Variants in HEMK2 observed in about 807,000 individuals in gnomAD.
The protein encoded by HEMK2 is HemK methyltransferase 2, ETF1 glutamine and histone H4 lysine, also known as methyltransferase HEMK2.
At chr21:28,741,179 C>T in the HEMK2 span, among the ~76,000 whole-genome samples, 4 of 152,128 alleles carry the variant, frequency 2.6e-5, no homozygotes, top group African/African-American at 7.2e-5. Flanking sequence ...TGAGATATGT[C>T]CAGGCCAACA....
the HEMK2 span, among the ~76,000 whole-genome samples, chr21:28,697,385 C>G: frequency 6.6e-6 from 1 of 152,172 alleles, no homozygotes; most frequent in Non-Finnish European, 1.5e-5. Flanking sequence ...CAGTTCCCAA[C>G]AGGTTCCTCA....
the HEMK2 span, among the ~76,000 whole-genome samples, chr21:28,707,454 C>T: frequency 6.6e-6 from 1 of 151,878 alleles, no homozygotes; most frequent in Non-Finnish European, 1.5e-5. Context: ...CGGGATTTCA[C>T]CATGTTGGCC....
the HEMK2 span, among the ~76,000 whole-genome samples, chr21:28,600,388 G>C: frequency 6.6e-6 from 1 of 152,246 alleles, no homozygotes; most frequent in Admixed American, 6.5e-5. Flanking sequence ...TAAAGTCACA[G>C]CCTGAGCTGT....
chr21:28,872,597 C>G, the HEMK2 span: 1 of 152,178 alleles, frequency 6.6e-6, no homozygotes, highest in African/African-American at 2.4e-5. Flanking sequence ...ACCAGTACTA[C>G]AAGAAAGTGG....
the HEMK2 span, among the ~76,000 whole-genome samples, chr21:28,739,645 A>G: frequency 1.3e-5 from 2 of 152,228 alleles, no homozygotes; most frequent in South Asian, 4.1e-4. Context: ...TTCTGTGATG[A>G]TGGAAATGTT....
At chr21:28,647,548 G>A in the HEMK2 span, among the ~76,000 whole-genome samples, 1 of 151,542 alleles carries the variant, frequency 6.6e-6, no homozygotes, top group African/African-American at 2.4e-5. Flanking sequence ...AGCACTGGGG[G>A]AATTCTGAGG....
chr21:28,627,947 C>G, the HEMK2 span, among the ~76,000 whole-genome samples: 1 of 152,136 alleles, frequency 6.6e-6, no homozygotes, highest in South Asian at 2.1e-4. Flanking sequence ...GGGGACTACA[C>G]CAAGTGTCCA....
the HEMK2 span, among the ~76,000 whole-genome samples, chr21:28,602,629 T>G: frequency 6.6e-6 from 1 of 152,136 alleles, no homozygotes. Flanking sequence ...GGAAACAAGG[T>G]CTAGGTCACA....
chr21:28,690,681 T>A, the HEMK2 span, among the ~76,000 whole-genome samples: 1 of 152,084 alleles, frequency 6.6e-6, no homozygotes, highest in Non-Finnish European at 1.5e-5. Context: ...AAGAAACCAC[T>A]CTCTTGCCTT....
chr21:28,641,119 T>C, the HEMK2 span, among the ~76,000 whole-genome samples: 1 of 152,220 alleles, frequency 6.6e-6, no homozygotes, highest in African/African-American at 2.4e-5. Context: ...TTTGCTGCTG[T>C]AAACTCACAA....
the HEMK2 span, among the ~76,000 whole-genome samples, chr21:28,676,039 T>G: frequency 6.6e-6 from 1 of 152,192 alleles, no homozygotes; most frequent in South Asian, 2.1e-4. Flanking sequence ...TGTCTGGGCC[T>G]TCGGAGTCAG....
chr21:28,588,529 G>A, the HEMK2 span, among the ~76,000 whole-genome samples: 5 of 152,150 alleles, frequency 3.3e-5, no homozygotes, highest in African/African-American at 7.2e-5. Context: ...CAATTTACCC[G>A]ATCAGATTGT....
the HEMK2 span, among the ~76,000 whole-genome samples, chr21:28,732,005 G>A: frequency 2.6e-5 from 4 of 152,172 alleles, no homozygotes; most frequent in African/African-American, 9.7e-5. Context: ...TAGAAACCTA[G>A]CAGGTCGGAA....
the HEMK2 span, among the ~76,000 whole-genome samples, chr21:28,824,353 C>G: frequency 6.6e-6 from 1 of 152,184 alleles, no homozygotes; most frequent in Non-Finnish European, 1.5e-5. Context: ...CAGATACTAC[C>G]TTTGATTTCC....
the HEMK2 span, among the ~76,000 whole-genome samples, chr21:28,632,518 A>C: frequency 6.6e-6 from 1 of 152,244 alleles, no homozygotes; most frequent in African/African-American, 2.4e-5. Flanking sequence ...TAACAGCATA[A>C]GATGTTTTCA....
the HEMK2 span, chr21:28,876,599 T>C: frequency 2.8e-5 from 18 of 639,602 alleles, no homozygotes; most frequent in Non-Finnish European, 3.8e-5. Flanking sequence ...TGTATTCATC[T>C]GACAAAACAA....
chr21:28,759,282 T>C, the HEMK2 span, among the ~76,000 whole-genome samples: 1 of 152,158 alleles, frequency 6.6e-6, no homozygotes, highest in Non-Finnish European at 1.5e-5. Context: ...AGGAGCTCAT[T>C]TTGGAGCTTT....
chr21:28,673,480 T>C, the HEMK2 span, among the ~76,000 whole-genome samples: 3 of 146,526 alleles, frequency 2.0e-5, no homozygotes. Flanking sequence ...AACACTTAGC[T>C]CACATATAAC....
At chr21:28,831,546 AGAAG>A in the HEMK2 span, among the ~76,000 whole-genome samples, 2 of 79,412 alleles carry the variant, frequency 2.5e-5, no homozygotes, top group East Asian at 4.5e-4. Context: ...AAAGAAGGAA[AGAAG>A]GAAAGAAGGA....
Sources: allele counts gnomAD v4.1 joint callset (sites outside exome capture counted in the v4.1 genomes callset), GRCh38; gene constraint gnomAD v4.1.1; transcripts MANE v1.5; gene names NCBI Gene and HGNC (gene_info 2026-07-23, HGNC 2026-07-21).